LTBP2: variants seen among roughly 807,000 people sequenced by gnomAD.
LTBP2 encodes latent transforming growth factor beta binding protein 2, also known as latent-transforming growth factor beta-binding protein 2.
A neutral mutation model predicts 210.6 loss-of-function variants in LTBP2; 103 were observed. That is an observed-to-expected ratio of 0.49 (90% confidence interval 0.42 to 0.58). The LOEUF (loss-of-function observed/expected upper bound fraction) is 0.58, where lower values mean the gene tolerates loss of function less well. Ranked by LOEUF, LTBP2 falls within the 20% of genes least tolerant of loss-of-function variation. The pLI, the probability that LTBP2 is intolerant of heterozygous loss-of-function variation, is 0.00. For synonymous variants in LTBP2, 1,007 were observed against 1,015.0 expected (o/e 0.99, Z 0.15); for missense variants, 2,313 against 2,494.5 (o/e 0.93, Z 1.55).
intron 17 of LTBP2, among the ~76,000 whole-genome samples, chr14:74,521,374 T>G (rs1334933960): frequency 1.3e-5 from 2 of 152,196 alleles, no homozygotes. Flanking sequence ...TTTGCATCAT[T>G]AAAGGGTTTG....
intron 17 of LTBP2, among the ~76,000 whole-genome samples, chr14:74,519,400 T>C (rs893650511): frequency 1.3e-5 from 2 of 152,090 alleles, no homozygotes; most frequent in African/African-American, 4.8e-5. Flanking sequence ...AGTTTACAGA[T>C]GAGGAAACCC....
chr14:74,566,185 T>G (rs2087900050), intron 3 of LTBP2, among the ~76,000 whole-genome samples: 1 of 152,174 alleles, frequency 6.6e-6, no homozygotes, highest in South Asian at 2.1e-4. Flanking sequence ...GTGGTACTCC[T>G]TATGACTTCC....
At position 74,585,958 on chromosome 14, in the gene LTBP2, A is replaced by C; in HGVS notation, c.726T>G (p.Arg242=). Residue 242 remains arginine (R), a synonymous_variant, in exon 3 of 36, where the codon CGT becomes CGG. Coordinates refer to ENST00000261978, the MANE Select transcript of LTBP2 (RefSeq NM_000428.3). ...CACTGCTCCTGCGCAGGTTGGGTGA[A>C]CGCTCGGCCCAGCGTCGAGGTGCCA... ...SRLAPRRWAE[R]SPNLRRSSAA... The C allele has an allele frequency of 6.2e-7, 1 of 1,613,700 alleles. No individual in the cohort carries two copies. Among genetic ancestry groups the C allele is most frequent in the Non-Finnish European group, 8.5e-7 (1 of 1,179,838 alleles).
intron 2 of LTBP2, among the ~76,000 whole-genome samples, chr14:74,588,063 G>A (rs73297968): frequency 0.062 from 9,434 of 152,128 alleles, 473 homozygotes; most frequent in Admixed American, 0.12. Flanking sequence ...CCATTTACCT[G>A]GCTCCTACTG....
At chr14:74,540,822 T>TTTATATA (rs2087488651) in intron 8 of LTBP2, among the ~76,000 whole-genome samples, 1 of 67,590 alleles carries the variant, frequency 1.5e-5, no homozygotes, top group Admixed American at 2.5e-4. Context: ...ATATATATAT[T>TTTATATA]TTTATATAAT....
intron 4 of LTBP2, among the ~76,000 whole-genome samples, chr14:74,553,424 TG>T (rs745827992): frequency 2.0e-5 from 3 of 152,198 alleles, no homozygotes; most frequent in Non-Finnish European, 4.4e-5. Flanking sequence ...CAGAGAAGTT[TG>T]GGTGCTCAAG....
intron 2 of LTBP2, among the ~76,000 whole-genome samples, chr14:74,591,570 C>T (rs1193561737): frequency 2.6e-5 from 4 of 152,222 alleles, no homozygotes; most frequent in African/African-American, 4.8e-5. Context: ...CGGCTTCACT[C>T]GCATCCTCTC....
chr14:74,534,464 G>A (rs918140772), intron 9 of LTBP2, among the ~76,000 whole-genome samples: 32 of 152,148 alleles, frequency 2.1e-4, no homozygotes, highest in African/African-American at 1.2e-4. Flanking sequence ...GTTGGCCAAC[G>A]TGTACTCATT....
intron 18 of LTBP2, 113 bp downstream of exon 18, chr14:74,516,709 T>C (rs2087139033): frequency 7.1e-7 from 1 of 1,406,646 alleles, no homozygotes; most frequent in South Asian, 1.2e-5. Context: ...GGGCTCAGCA[T>C]CAAGGGGCCA....
Position 74,506,054 on chromosome 14 carries a change from C to G in LTBP2, c.4171G>C (p.Ala1391Pro). The G allele has an allele frequency of 6.2e-7, 1 of 1,614,114 alleles. No homozygotes were observed. The highest frequency in any genetic ancestry group is 1.7e-5 in the Admixed American group (1 of 60,028). Residue 1391 changes from alanine (A) to proline (P), a missense_variant, in exon 28 of 36, where the codon GCT becomes CCT. Physicochemically the swap from Ala to Pro is conservative, Grantham distance 27 (BLOSUM62 -1). Transcript: ENST00000261978. Reference protein sequence around the residue: ...AQEGHCRPRGAGGQSMSEAPT... With the variant: ...AQEGHCRPRGPGGQSMSEAPT... ...TGTGTCTCCCAGGCCTCACCTCCAGCCCCCCGTGGGCGGCAGTGCCCCTCC... is the reference window on the plus strand; with the variant it reads ...TGTGTCTCCCAGGCCTCACCTCCAGGCCCCCGTGGGCGGCAGTGCCCCTCC...
Position 74,502,776 on chromosome 14 carries a change from C to T in LTBP2, c.5047G>A (p.Glu1683Lys), listed in dbSNP as rs761738504. 1.5e-4 allele frequency: 237 copies of T among 1,614,004 alleles called. No homozygotes were observed. The highest frequency in any genetic ancestry group is 1.9e-4 in the Non-Finnish European group (223 of 1,180,014). Residue 1683 changes from glutamate to lysine, a missense_variant, in exon 34 of 36, where the codon GAG (glutamate) becomes AAG (lysine). Coordinates refer to ENST00000261978, the MANE Select transcript of LTBP2 (RefSeq NM_000428.3). ...GAPFYNYLGP[E>K]DTVPEPAFPN... ...AAGGCAGGCTCAGGGACGGTGTCCTCGGGGCCCAGGTAGTTGTAGAAGGGG... is the reference window on the plus strand; with the variant it reads ...AAGGCAGGCTCAGGGACGGTGTCCTTGGGGCCCAGGTAGTTGTAGAAGGGG...
At chr14:74,539,078 G>A (rs2087459462) in intron 8 of LTBP2, among the ~76,000 whole-genome samples, 1 of 152,258 alleles carries the variant, frequency 6.6e-6, no homozygotes. Context: ...CCAGAGGGCT[G>A]AGGAAAGAGA....
At chr14:74,530,214 GA>G (rs2087332397) in intron 10 of LTBP2, among the ~76,000 whole-genome samples, 2 of 152,252 alleles carry the variant, frequency 1.3e-5, no homozygotes, top group Admixed American at 6.5e-5. Context: ...CTTTCTGGCT[GA>G]AGGCTTGTGG....
At position 74,612,152 on chromosome 14, in the gene LTBP2, G is replaced by A; in HGVS notation, c.-208C>T. On this transcript the variant is annotated 5_prime_UTR_variant, in exon 1 of 36. Coordinates refer to ENST00000261978, the MANE Select transcript of LTBP2 (RefSeq NM_000428.3). ...GCCTCGAGTCCGCGCTCCTACTCCA[G>A]CTGGGCTCGCACGGCTGCTGCACCT... 2 of 530,630 alleles carry A rather than the reference G, an allele frequency of 3.8e-6. No homozygotes were observed. The highest frequency in any genetic ancestry group is 2.0e-5 in the African/African-American group (1 of 49,426). The allele number at this position is 530,630 out of a possible 1,614,324, so 32.9% of individuals were successfully genotyped here.
intron 3 of LTBP2, among the ~76,000 whole-genome samples, chr14:74,573,689 T>G (rs911254591): frequency 1.3e-5 from 2 of 152,232 alleles, no homozygotes; most frequent in African/African-American, 4.8e-5. Context: ...TGTTTTCTCT[T>G]GACTCTGCCA....
In LTBP2 at chr14:74,498,496, G is replaced by A; in HGVS notation, c.*2388C>T. The A allele has an allele frequency of 4.5e-6, 1 of 220,312 alleles. No homozygotes were observed. Among genetic ancestry groups the A allele is most frequent in the Middle Eastern group, 1.4e-3 (1 of 722 alleles). The allele number at this position is 220,312 out of a possible 1,614,324, so 13.6% of individuals were successfully genotyped here. ...CCATTCAATGGAATAGTATACAGCT[G>A]TAAAATGAAATGAGGCAGCTCTAAT... On this transcript the variant is annotated 3_prime_UTR_variant, in exon 36 of 36. Coordinates refer to ENST00000261978, the MANE Select transcript of LTBP2 (RefSeq NM_000428.3).
At chr14:74,538,342 C>T (rs559238854) in intron 8 of LTBP2, among the ~76,000 whole-genome samples, 56 of 152,054 alleles carry the variant, frequency 3.7e-4, no homozygotes, top group African/African-American at 1.0e-3. Context: ...TAGGTCGTCA[C>T]GATTTTTACT....
intron 15 of LTBP2, among the ~76,000 whole-genome samples, chr14:74,523,921 C>T (rs553802673): frequency 1.3e-5 from 2 of 152,228 alleles, no homozygotes; most frequent in South Asian, 4.2e-4. Flanking sequence ...ATTGAATGTG[C>T]ACCCAAGGCT....
Position 74,500,254 on chromosome 14 carries a change from A to T in LTBP2, c.*630T>A, listed in dbSNP as rs2086894848. 4.2e-6 allele frequency: 1 copy of T among 237,416 alleles called. No individual in the cohort carries two copies. Among genetic ancestry groups the T allele is most frequent in the Admixed American group, 5.3e-5 (1 of 18,890 alleles). 14.7% of individuals were successfully genotyped at this position (237,416 alleles called of 1,614,324 possible). A position where few individuals can be genotyped will look rare whatever the true frequency, so the allele number is the denominator to read the frequency against. On this transcript the variant is annotated 3_prime_UTR_variant, in exon 36 of 36. Transcript: ENST00000261978. Reference sequence around the variant, plus strand: ...TCATTTGTGTCTCTTACATTCAACAAGCTAATATCAGCCTTGCTTCTCTGA... The same window carrying T: ...TCATTTGTGTCTCTTACATTCAACATGCTAATATCAGCCTTGCTTCTCTGA...
Sources: allele counts gnomAD v4.1 joint callset (sites outside exome capture counted in the v4.1 genomes callset), GRCh38; gene constraint gnomAD v4.1.1; transcripts MANE v1.5; gene names NCBI Gene and HGNC (gene_info 2026-07-23, HGNC 2026-07-21).